SGCZ: variants seen among roughly 807,000 people sequenced by gnomAD.
The protein encoded by SGCZ is zeta-sarcoglycan.
A neutral mutation model predicts 41.3 loss-of-function variants in SGCZ; 40 were observed. The ratio of observed to expected loss-of-function variants is 0.97; its 90% CI spans 0.75 to 1.26. SGCZ has a LOEUF of 1.26. SGCZ is among the 50% of genes most tolerant of loss of function. SGCZ has a pLI of 0.00. For synonymous variants in SGCZ, 206 were observed against 137.5 expected, an observed-to-expected ratio of 1.50 and a Z score of -3.49; for missense variants, 552 against 369.8, an observed-to-expected ratio of 1.49 and a Z score of -4.04.
rs566006195 is a variant in SGCZ at position 14,730,007 on chromosome 8, C to T, written c.40-175081G>A. 5.3e-5 allele frequency among the ~76,000 whole-genome samples: 8 copies of T among 152,252 alleles called. No individual in the cohort carries two copies. In the South Asian group the frequency reaches 1.7e-3, roughly 32 times the overall value. Reference sequence around the variant, plus strand: ...GGCTACGGCAGGAGAATTGCTTGAACCCAGTGGGGCGGAGATTGCAGTGAG... The same window carrying T: ...GGCTACGGCAGGAGAATTGCTTGAATCCAGTGGGGCGGAGATTGCAGTGAG... On this transcript the variant is annotated intron_variant, in intron 1 of 7. Transcript: ENST00000382080.
At chr8:15,002,397 T>C (rs1802459008) in intron 1 of SGCZ, among the ~76,000 whole-genome samples, 1 of 152,152 alleles carries the variant, frequency 6.6e-6, no homozygotes. Context: ...TTTAATCATA[T>C]AGTACGTTTT....
chr8:14,286,604 T>C (rs1452923090), intron 3 of SGCZ, among the ~76,000 whole-genome samples: 1 of 152,126 alleles, frequency 6.6e-6, no homozygotes, highest in African/African-American at 2.4e-5. Flanking sequence ...ATGATCATTT[T>C]CTCACACAAT....
At chr8:14,922,472 G>C (rs1563365247) in intron 1 of SGCZ, among the ~76,000 whole-genome samples, 1 of 151,852 alleles carries the variant, frequency 6.6e-6, no homozygotes, top group Non-Finnish European at 1.5e-5. Flanking sequence ...GTTATTTTTT[G>C]AGATGGAGTT....
intron 2 of SGCZ, among the ~76,000 whole-genome samples, chr8:14,447,288 G>C (rs76502109): frequency 1.3e-5 from 2 of 152,106 alleles, no homozygotes; most frequent in East Asian, 3.9e-4. Flanking sequence ...AAGTTGCTGG[G>C]ATTTCCATGG....
At chr8:14,719,100 G>A (rs577602511) in intron 1 of SGCZ, among the ~76,000 whole-genome samples, 7 of 147,170 alleles carry the variant, frequency 4.8e-5, no homozygotes, top group South Asian at 2.1e-4. Context: ...GAGAATATGC[G>A]GTGTTTGGTT....
intron 1 of SGCZ, among the ~76,000 whole-genome samples, chr8:14,598,661 T>A (rs1428336116): frequency 6.6e-6 from 1 of 151,892 alleles, no homozygotes; most frequent in Non-Finnish European, 1.5e-5. Flanking sequence ...CCAAATAACT[T>A]GGACTATAGG....
At chr8:14,815,331 A>G (rs752339376) in intron 1 of SGCZ, among the ~76,000 whole-genome samples, 3 of 151,956 alleles carry the variant, frequency 2.0e-5, no homozygotes, top group Non-Finnish European at 4.4e-5. Context: ...CGGAAAGTTG[A>G]TAAAATAAAA....
chr8:14,989,034 T>C (rs894831994), intron 1 of SGCZ, among the ~76,000 whole-genome samples: 8 of 152,096 alleles, frequency 5.3e-5, no homozygotes, highest in Admixed American at 1.3e-4. Context: ...TCTAAGAGTG[T>C]GGATTTCTCT....
At chr8:14,884,299 T>C (rs1312722949) in intron 1 of SGCZ, among the ~76,000 whole-genome samples, 1 of 152,172 alleles carries the variant, frequency 6.6e-6, no homozygotes, top group Non-Finnish European at 1.5e-5. Context: ...TGCACCTTAT[T>C]GGGCTGAGTA....
intron 1 of SGCZ, among the ~76,000 whole-genome samples, chr8:14,773,267 G>A (rs929885947): frequency 6.6e-6 from 1 of 152,222 alleles, no homozygotes. Context: ...AGAACATAAT[G>A]GACTTTTCAA....
intron 5 of SGCZ, among the ~76,000 whole-genome samples, chr8:14,163,275 A>C (rs1321891725): frequency 2.0e-5 from 3 of 151,882 alleles, no homozygotes; most frequent in Non-Finnish European, 4.4e-5. Context: ...CAGGTATTAA[A>C]CCTAATACTT....
chr8:14,960,189 G>A (rs1800917860), intron 1 of SGCZ, among the ~76,000 whole-genome samples: 1 of 152,180 alleles, frequency 6.6e-6, no homozygotes, highest in Non-Finnish European at 1.5e-5. Context: ...CGCTCTTTGA[G>A]GGTGAATGCA....
Position 14,216,847 on chromosome 8 carries a change from C to T in SGCZ, c.424+20745G>A, listed in dbSNP as rs1490956133. 2.6e-5 allele frequency among the ~76,000 whole-genome samples: 4 copies of T among 152,042 alleles called. No homozygotes were observed. The South Asian group carries it at 8.3e-4, about 31-fold the overall frequency. The stretch of plus-strand genomic sequence containing the variant: ...TTGCAGCACTCTGAGTCATGTAAGT[C>T]CTAACATTGTATTCAGCAAAATAAG... On this transcript the variant is annotated intron_variant, in intron 4 of 7. Transcript: ENST00000382080.
chr8:14,764,768 C>A (rs1799991090), intron 1 of SGCZ, among the ~76,000 whole-genome samples: 1 of 151,988 alleles, frequency 6.6e-6, no homozygotes, highest in South Asian at 2.1e-4. Flanking sequence ...TAAATATGGT[C>A]TAAAAATTAA....
chr8:14,384,652 T>A (rs1316308697), intron 2 of SGCZ, among the ~76,000 whole-genome samples: 3 of 152,124 alleles, frequency 2.0e-5, no homozygotes, highest in African/African-American at 7.2e-5. Flanking sequence ...CTCCACCTCC[T>A]AGGCTCAAGC....
At chr8:14,524,002 T>C (rs1386687308) in intron 2 of SGCZ, among the ~76,000 whole-genome samples, 1 of 152,142 alleles carries the variant, frequency 6.6e-6, no homozygotes, top group East Asian at 1.9e-4. Context: ...TACTCATCAT[T>C]CTGCTGTTGA....
intron 1 of SGCZ, among the ~76,000 whole-genome samples, chr8:14,743,469 C>G (rs1297442071): frequency 1.3e-5 from 2 of 151,836 alleles, no homozygotes; most frequent in Non-Finnish European, 1.5e-5. Flanking sequence ...TAAAATGAAT[C>G]AGATTTATTT....
chr8:14,463,570 C>T (rs1434936644), intron 2 of SGCZ, among the ~76,000 whole-genome samples: 14 of 151,588 alleles, frequency 9.2e-5, no homozygotes, highest in Admixed American at 8.6e-4. Context: ...AACTTCATGA[C>T]ACTGGATTTG....
chr8:14,159,161 A>T (rs1803967388), intron 5 of SGCZ, among the ~76,000 whole-genome samples: 2 of 152,096 alleles, frequency 1.3e-5, no homozygotes, highest in Admixed American at 6.6e-5. Flanking sequence ...TGGGTCTAAG[A>T]CCTAAAGCTA....
Sources: gnomAD v4.1 joint callset for allele counts (sites outside exome capture counted in the v4.1 genomes callset) on GRCh38, gnomAD v4.1.1 for gene constraint, MANE v1.5 for transcripts, NCBI Gene and HGNC (gene_info 2026-07-23, HGNC 2026-07-21) for gene names.